MAP4K3: variants seen among roughly 807,000 people sequenced by gnomAD.
MAP4K3 encodes MAPK/ERK kinase kinase kinase 3.
MAP4K3 carries 94 observed loss-of-function variants against 143.5 expected under a neutral mutation model. The ratio of observed to expected loss-of-function variants is 0.65; its 90% CI spans 0.55 to 0.78. The LOEUF (loss-of-function observed/expected upper bound fraction) is 0.78, where lower values mean the gene tolerates loss of function less well. MAP4K3 is among the 30% of genes least tolerant of loss of function. The pLI is 0.00. For missense variants in MAP4K3, 1,077 were observed against 1,068.1 expected (o/e 1.01, Z -0.12); for synonymous variants, 416 against 347.2 (o/e 1.20, Z -2.20).
rs556673648 is a variant in MAP4K3 at position 39,344,253 on chromosome 2, C to T, written c.246-801G>A. Among the ~76,000 whole-genome samples, 252 of 152,216 alleles carry T rather than the reference C, an allele frequency of 1.7e-3. 1 individual carries two copies. In the South Asian group the frequency reaches 0.022, roughly 13 times the overall value. On this transcript the variant is annotated intron_variant, in intron 3 of 33. Coordinates refer to ENST00000263881, the MANE Select transcript of MAP4K3 (RefSeq NM_003618.4). ...TGAGTGACTGAAAGAATAAACATAT[C>T]GAATTAGATTGAGGTCAGGAAAATA...
chr2:39,375,221 T>C lies in MAP4K3; in HGVS notation c.154+2845A>G, dbSNP rs540003071. Among the ~76,000 whole-genome samples, 10 of 152,244 alleles carry C rather than the reference T, an allele frequency of 6.6e-5. No homozygotes were observed. In the South Asian group the frequency reaches 2.1e-3, roughly 32 times the overall value. ...CTGCAGTGAGCCACGATCCTACCAC[T>C]GCACTCCAGCCTGGGCTACAGTGAC... On this transcript the variant is annotated intron_variant, in intron 2 of 33. Transcript: ENST00000263881.
At chr2:39,359,692 C>G (rs1665711624) in intron 2 of MAP4K3, among the ~76,000 whole-genome samples, 1 of 152,264 alleles carries the variant, frequency 6.6e-6, no homozygotes, top group African/African-American at 2.4e-5. Context: ...CAGAGGTTCT[C>G]AAACCTCAGT....
intron 19 of MAP4K3, among the ~76,000 whole-genome samples, chr2:39,288,737 G>T (rs941211240): frequency 6.6e-6 from 1 of 152,126 alleles, no homozygotes; most frequent in Non-Finnish European, 1.5e-5. Flanking sequence ...CAGACCAGGG[G>T]CATGAGAGGA....
At chr2:39,410,086 G>A (rs1394845988) in intron 1 of MAP4K3, among the ~76,000 whole-genome samples, 1 of 152,168 alleles carries the variant, frequency 6.6e-6, no homozygotes, top group East Asian at 1.9e-4. Flanking sequence ...TCTGACTACA[G>A]CGAAGAAGTA....
intron 1 of MAP4K3, among the ~76,000 whole-genome samples, chr2:39,403,842 G>C (rs1572493652): frequency 6.6e-6 from 1 of 150,618 alleles, no homozygotes; most frequent in African/African-American, 2.4e-5. Flanking sequence ...CTTGAGGAGA[G>C]AAGGAAGAGT....
rs201340154 is a variant in MAP4K3 at position 39,288,237 on chromosome 2, T to C, written c.1358A>G (p.Asp453Gly). 3.1e-6 allele frequency: 5 copies of C among 1,614,098 alleles called. No individual in the cohort carries two copies. Among genetic ancestry groups the C allele is most frequent in the East Asian group, 2.2e-5 (1 of 44,868 alleles). ...FIPQEMHSTE[D>G]ENQGTIKRCP... ...TCTCTTGATTGTTCCTTGATTTTCA[T>C]CCTCAGTAGAATGCATTTCCTGTGG... The change falls in exon 20 of 34, where the codon GAT (aspartate) becomes GGT (glycine). Residue 453 changes from aspartate (D) to glycine (G), a missense_variant. Asp to Gly is a moderately conservative substitution (Grantham distance 94). This residue lies in a region of MAP4K3 where 864 missense variants were observed against 801.2 expected (regional missense o/e 1.08). Coordinates refer to ENST00000263881, the MANE Select transcript of MAP4K3 (RefSeq NM_003618.4).
intron 26 of MAP4K3, among the ~76,000 whole-genome samples, chr2:39,268,731 C>G (rs1248778924): frequency 7.2e-6 from 1 of 138,918 alleles, no homozygotes; most frequent in Admixed American, 8.6e-5. Flanking sequence ...CCTCTGCCTC[C>G]CAGGTTCAAG....
chr2:39,256,381 A>T (rs1436015854), intron 31 of MAP4K3, among the ~76,000 whole-genome samples: 1 of 152,192 alleles, frequency 6.6e-6, no homozygotes, highest in Non-Finnish European at 1.5e-5. Context: ...ATCATTAAAC[A>T]TATTTTTAAC....
At chr2:39,383,775 A>T in intron 1 of MAP4K3, among the ~76,000 whole-genome samples, 1 of 151,352 alleles carries the variant, frequency 6.6e-6, no homozygotes, top group East Asian at 1.9e-4. Flanking sequence ...TAAAATAGGG[A>T]TCAGCAAACA....
At chr2:39,384,421 C>T (rs1200751586) in intron 1 of MAP4K3, among the ~76,000 whole-genome samples, 1 of 152,220 alleles carries the variant, frequency 6.6e-6, no homozygotes, top group Non-Finnish European at 1.5e-5. Flanking sequence ...TGGCATGTGC[C>T]TGTAATCCCA....
At chr2:39,364,181 T>C (rs1353750603) in intron 2 of MAP4K3, among the ~76,000 whole-genome samples, 1 of 152,128 alleles carries the variant, frequency 6.6e-6, no homozygotes, top group South Asian at 2.1e-4. Context: ...CCCAAAGAAC[T>C]GAAATTAGAA....
intron 1 of MAP4K3, among the ~76,000 whole-genome samples, chr2:39,401,930 T>C (rs72929200): frequency 4.3e-4 from 66 of 152,172 alleles, no homozygotes; most frequent in African/African-American, 1.4e-3. Context: ...ATGTCTGAAA[T>C]ACAATAGAAA....
chr2:39,303,323 T>G (rs1682579739), intron 15 of MAP4K3, among the ~76,000 whole-genome samples: 1 of 152,130 alleles, frequency 6.6e-6, no homozygotes, highest in South Asian at 2.1e-4. Context: ...TCTTAAAAAG[T>G]CAGAAAAGCA....
At chr2:39,357,297 T>C (rs1169627821) in intron 2 of MAP4K3, among the ~76,000 whole-genome samples, 1 of 152,232 alleles carries the variant, frequency 6.6e-6, no homozygotes, top group Admixed American at 6.5e-5. Flanking sequence ...GAAAAGTAGC[T>C]TTGTATTACT....
intron 1 of MAP4K3, among the ~76,000 whole-genome samples, chr2:39,390,774 A>T (rs76935634): frequency 1.8e-3 from 3 of 1,704 alleles, no homozygotes; most frequent in South Asian, 0.33. Flanking sequence ...ATAAAAATTA[A>T]AAAAAAAAAA....
chr2:39,407,048 T>A (rs910089566), intron 1 of MAP4K3, among the ~76,000 whole-genome samples: 5 of 152,184 alleles, frequency 3.3e-5, no homozygotes, highest in Non-Finnish European at 7.4e-5. Flanking sequence ...GTGGTATTTA[T>A]CCTAAGAATA....
intron 2 of MAP4K3, among the ~76,000 whole-genome samples, chr2:39,372,020 T>A (rs1405561166): frequency 6.6e-6 from 1 of 151,656 alleles, no homozygotes; most frequent in African/African-American, 2.4e-5. Context: ...GCAGATTATA[T>A]GATCTTATAT....
chr2:39,404,975 C>A (rs1667056010), intron 1 of MAP4K3, among the ~76,000 whole-genome samples: 2 of 152,220 alleles, frequency 1.3e-5, no homozygotes, highest in African/African-American at 4.8e-5. Context: ...TCTCTGGACC[C>A]ACCTGGGGTC....
intron 16 of MAP4K3, among the ~76,000 whole-genome samples, chr2:39,296,417 T>C (rs976842565): frequency 1.3e-5 from 2 of 152,220 alleles, no homozygotes; most frequent in African/African-American, 4.8e-5. Context: ...TGAATTCTTC[T>C]CTTATGGAAG....
Sources: allele counts gnomAD v4.1 joint callset (sites outside exome capture counted in the v4.1 genomes callset), GRCh38; gene constraint gnomAD v4.1.1; regional missense constraint gnomAD v4.1.1; transcripts MANE v1.5; gene names NCBI Gene and HGNC (gene_info 2026-07-23, HGNC 2026-07-21).